Variants in EAF2 observed in about 807,000 individuals in gnomAD.
EAF2 encodes the protein ELL associated factor 2, also known as ELL-associated factor 2.
Under a neutral mutation model 29.4 loss-of-function variants are expected in EAF2, and 29 were observed. That is an observed-to-expected ratio of 0.99 (90% CI 0.73 to 1.35). EAF2 has a LOEUF of 1.35. Ranked by LOEUF, EAF2 falls within the 40% of genes most tolerant of loss-of-function variation. EAF2 has a pLI of 0.00. For synonymous variants in EAF2, 103 were observed against 102.5 expected (o/e 1.00, Z -0.03); for missense variants, 292 against 312.0 (o/e 0.94, Z 0.48).
intron 5 of EAF2, among the ~76,000 whole-genome samples, chr3:121,874,041 A>G (rs1709059147): frequency 6.6e-6 from 1 of 151,828 alleles, no homozygotes; most frequent in Non-Finnish European, 1.5e-5. Flanking sequence ...GTTTTTGCTT[A>G]TCATTGAATT....
chr3:121,835,302 G>T lies in EAF2; in HGVS notation c.17G>T (p.Gly6Val). The change falls in exon 1 of 6, where the codon GGA becomes GTA. Residue 6 changes from glycine to valine, a missense_variant. Physicochemically the swap from Gly to Val is moderately radical, Grantham distance 109. Coordinates refer to ENST00000273668, the MANE Select transcript of EAF2 (RefSeq NM_018456.6). MNSAA[G>V]FSHLDRRERV... The stretch of plus-strand genomic sequence containing the variant: ...AGAGTAATTATGAATAGCGCAGCGG[G>T]ATTCTCACACCTAGACCGTCGCGAG... 1 of 1,614,232 alleles carries T rather than the reference G, an allele frequency of 6.2e-7. No individual in the cohort carries two copies. The highest frequency in any genetic ancestry group is 8.5e-7 in the Non-Finnish European group (1 of 1,180,038).
Position 121,854,736 on chromosome 3 carries a change from TA to T in EAF2, c.255del (p.Glu86AsnfsTer4). The T allele has an allele frequency of 1.3e-6, 2 of 1,567,334 alleles. No individual in the cohort carries two copies. Among genetic ancestry groups the T allele is most frequent in the Non-Finnish European group, 1.7e-6 (2 of 1,167,220 alleles). Reference sequence around the variant, plus strand: ...TTCAAAGGTTCAAAAAAACCTTACTTAAAAGAATGCATTTTGATTATTAACC... The same window carrying T: ...TTCAAAGGTTCAAAAAAACCTTACTTAAAGAATGCATTTTGATTATTAACC... ...TVFKGSKKPY[L>X]KECILIINHD... is the part of the protein sequence containing the mutation. On this transcript the variant is annotated frameshift_variant, in exon 3 of 6. Transcript: ENST00000273668. LOFTEE classifies it high-confidence loss of function.
chr3:121,879,941 G>A (rs531101193), intron 5 of EAF2, among the ~76,000 whole-genome samples: 27 of 151,832 alleles, frequency 1.8e-4, no homozygotes, highest in Non-Finnish European at 3.4e-4. Context: ...ATTTTGATAG[G>A]TATTGCATTG....
chr3:121,884,423 A>G (rs1053448914), intron 5 of EAF2, among the ~76,000 whole-genome samples: 1 of 149,426 alleles, frequency 6.7e-6, no homozygotes, highest in Non-Finnish European at 1.5e-5. Context: ...AGATTTTCTT[A>G]TTTATTTATT....
chr3:121,844,979 A>C (rs1708497395), intron 2 of EAF2, among the ~76,000 whole-genome samples: 1 of 152,230 alleles, frequency 6.6e-6, no homozygotes, highest in Admixed American at 6.5e-5. Flanking sequence ...AATCTTAAAA[A>C]GCTTCATAAA....
intron 5 of EAF2, among the ~76,000 whole-genome samples, chr3:121,885,911 A>G (rs1657871058): frequency 6.6e-6 from 1 of 152,188 alleles, no homozygotes; most frequent in African/African-American, 2.4e-5. Context: ...ACATAGATGA[A>G]TTACAAAATG....
At chr3:121,840,210 A>G (rs899185242) in intron 1 of EAF2, among the ~76,000 whole-genome samples, 11 of 133,254 alleles carry the variant, frequency 8.3e-5, no homozygotes, top group Admixed American at 4.9e-4. Flanking sequence ...AAAAAAAAAA[A>G]AGCCAGGCGC....
At chr3:121,878,964 C>T (rs1389556328) in intron 5 of EAF2, among the ~76,000 whole-genome samples, 3 of 152,130 alleles carry the variant, frequency 2.0e-5, no homozygotes, top group African/African-American at 4.8e-5. Flanking sequence ...ACCCTCCATA[C>T]TGTTCTCCAT....
intron 4 of EAF2, among the ~76,000 whole-genome samples, chr3:121,863,037 G>T (rs935557286): frequency 1.3e-5 from 2 of 152,172 alleles, no homozygotes; most frequent in Non-Finnish European, 2.9e-5. Context: ...AAATGTTGCT[G>T]CCTGGTCCTT....
At chr3:121,876,496 G>C (rs1044482178) in intron 5 of EAF2, among the ~76,000 whole-genome samples, 1 of 151,832 alleles carries the variant, frequency 6.6e-6, no homozygotes, top group Non-Finnish European at 1.5e-5. Flanking sequence ...CAGGAAATTT[G>C]ATTAACCTTT....
intron 4 of EAF2, among the ~76,000 whole-genome samples, chr3:121,860,502 G>A (rs1224640535): frequency 6.6e-6 from 1 of 152,108 alleles, no homozygotes; most frequent in Non-Finnish European, 1.5e-5. Flanking sequence ...ATTTCTGTGG[G>A]ATCAGTGGTG....
chr3:121,886,500 GAAATT>G lies in EAF2; in HGVS notation c.*118_*122del. Reference sequence around the variant, plus strand: ...TATGTCTTAACTTTTGATGATAAAAGAAATTAAATTTGATTCAGAAATTTCAGTTG... The same window carrying G: ...TATGTCTTAACTTTTGATGATAAAAGAAATTTGATTCAGAAATTTCAGTTG... On this transcript the variant is annotated 3_prime_UTR_variant, in exon 6 of 6. Transcript: ENST00000273668. 2.0e-6 allele frequency: 1 copy of G among 507,642 alleles called. No homozygotes were observed. Among genetic ancestry groups the G allele is most frequent in the Non-Finnish European group, 3.1e-6 (1 of 322,136 alleles). The allele number at this position is 507,642 out of a possible 1,614,324, so 31.4% of individuals were successfully genotyped here. A position where few individuals can be genotyped will look rare whatever the true frequency, so the allele number is the denominator to read the frequency against.
Position 121,876,008 on chromosome 3 carries a change from A to G in EAF2, c.736+3220A>G, listed in dbSNP as rs1266227091. Among the ~76,000 whole-genome samples the G allele has an allele frequency of 2.0e-5, 3 of 152,012 alleles. No homozygotes were observed. The East Asian group carries it at 5.8e-4, about 29-fold the overall frequency. ...AAGTCCAAGAAAGAATGGAGGAGAT[A>G]GTGTAAAAACTTAATCCTGAGAATT... On this transcript the variant is annotated intron_variant, in intron 5 of 5. Transcript: ENST00000273668.
intron 5 of EAF2, among the ~76,000 whole-genome samples, chr3:121,874,955 A>G (rs1434919107): frequency 6.6e-6 from 1 of 151,838 alleles, no homozygotes; most frequent in African/African-American, 2.4e-5. Flanking sequence ...GTATAATAAT[A>G]TAATGAGAAC....
At chr3:121,845,268 A>T (rs28490957) in intron 2 of EAF2, among the ~76,000 whole-genome samples, 55,713 of 151,278 alleles carry the variant, frequency 0.37, 10,762 homozygotes, top group African/African-American at 0.42. Flanking sequence ...TGAAGCCCTG[A>T]CTCTACTAAA....
At chr3:121,864,711 G>T (rs140043321) in intron 4 of EAF2, among the ~76,000 whole-genome samples, 16,866 of 152,030 alleles carry the variant, frequency 0.11, 1,007 homozygotes, top group South Asian at 0.16. Flanking sequence ...AGCTACTTGG[G>T]AGGCTAAGCT....
intron 1 of EAF2, 125 bp from the exon 2 acceptor site, chr3:121,844,328 A>G: frequency 1.7e-6 from 1 of 592,270 alleles, no homozygotes; most frequent in Non-Finnish European, 2.9e-6. Flanking sequence ...TGTAATATGA[A>G]TACTTTAAAC....
chr3:121,845,440 CAAAAAA>C lies in EAF2; in HGVS notation c.201+910_201+915del, dbSNP rs747436052. On this transcript the variant is annotated intron_variant, in intron 2 of 5. Coordinates refer to ENST00000273668, the MANE Select transcript of EAF2 (RefSeq NM_018456.6). ...GCGATAGAGCGAGACTCCTACATCT[CAAAAAA>C]AAAAAAAAAAAAAAAAGAAAGAAAG... is the stretch of plus-strand genomic sequence containing the variant. 2.7e-4 allele frequency among the ~76,000 whole-genome samples: 16 copies of C among 59,968 alleles called. No homozygotes were observed. In the South Asian group the frequency reaches 4.1e-3, roughly 15 times the overall value. The allele number at this position is 59,968 out of a possible 152,430, so 39.3% of individuals were successfully genotyped here.
intron 4 of EAF2, among the ~76,000 whole-genome samples, chr3:121,866,457 G>A (rs557659325): frequency 9.9e-5 from 15 of 152,264 alleles, no homozygotes; most frequent in African/African-American, 3.4e-4. Context: ...TGGGTGCGGT[G>A]GCTCACATCT....
Sources: allele counts gnomAD v4.1 joint callset (sites outside exome capture counted in the v4.1 genomes callset), GRCh38; gene constraint gnomAD v4.1.1; transcripts MANE v1.5; gene names NCBI Gene and HGNC (gene_info 2026-07-23, HGNC 2026-07-21).